ABCB4: variants seen among roughly 807,000 people sequenced by gnomAD.
ABCB4 encodes phosphatidylcholine translocator ABCB4.
In ABCB4, 76 loss-of-function variants were observed where a neutral mutation model predicts 145.7. The observed-to-expected ratio is 0.52, with a 90% confidence interval of 0.43 to 0.63. The LOEUF is 0.63. Ranked by LOEUF, ABCB4 falls within the 30% of genes least tolerant of loss-of-function variation. The pLI, the probability that ABCB4 is intolerant of heterozygous loss-of-function variation, is 0.00. For missense variants in ABCB4, 1,234 were observed against 1,553.1 expected (o/e 0.79, Z 3.45); for synonymous variants, 517 against 566.8 (o/e 0.91, Z 1.25).
rs776123080 is a variant in ABCB4 at position 87,406,265 on chromosome 7, A to G, written c.3486+23T>C. ...GGGGGATAAAAAGTAGTCTCTTCTG[A>G]TTTCAGCTACTCTTTAACTTACGTG... On this transcript the variant is annotated intron_variant, in intron 26 of 27. Coordinates refer to ENST00000649586, the MANE Select transcript of ABCB4 (RefSeq NM_000443.4). The G allele has an allele frequency of 4.3e-6, 7 of 1,610,012 alleles. No individual in the cohort carries two copies. In the South Asian group the frequency reaches 7.7e-5, roughly 18 times the overall value.
Position 87,408,086 on chromosome 7 carries a change from G to A in ABCB4, c.3230C>T (p.Thr1077Met), listed in dbSNP as rs754565782. ...GAACCGCTCCAGGAGCTGGACCACC[G>A]TGCTCTTCCCACAGCCACTGCTGCC... ...LVGSSGCGKS[T>M]VVQLLERFYD... The change falls in exon 25 of 28, where the codon ACG (threonine) becomes ATG (methionine). Residue 1077 changes from threonine (T) to methionine (M), a missense_variant. Physicochemically the swap from Thr to Met is moderately conservative, Grantham distance 81. Around this residue, in one of 7 missense-constraint regions of ABCB4, gnomAD observed 301 missense variants for 389.0 expected, o/e 0.77. Transcript: ENST00000649586. 9 of 1,614,026 alleles carry A rather than the reference G, an allele frequency of 5.6e-6. No homozygotes were observed. The highest frequency in any genetic ancestry group is 4.0e-5 in the African/African-American group (3 of 74,926).
At chr7:87,425,558 A>G (rs1406524028) in intron 16 of ABCB4, among the ~76,000 whole-genome samples, 3 of 152,220 alleles carry the variant, frequency 2.0e-5, no homozygotes, top group Non-Finnish European at 4.4e-5. Context: ...CCAACACAAG[A>G]GTAAAAATAA....
At chr7:87,447,367 T>G (rs1449192601) in intron 8 of ABCB4, among the ~76,000 whole-genome samples, 162 bp from the exon 9 acceptor site, 2 of 152,212 alleles carry the variant, frequency 1.3e-5, no homozygotes, top group African/African-American at 4.8e-5. Flanking sequence ...TAATTCAGGA[T>G]CAGCCAGGCC....
chr7:87,398,468 A>T, downstream of ABCB4: 1 of 1,600,876 alleles, frequency 6.2e-7, no homozygotes, highest in Non-Finnish European at 8.5e-7. Flanking sequence ...GGTTGTATTC[A>T]CCATCACTAT....
the ABCB4 span, among the ~76,000 whole-genome samples, chr7:87,371,108 T>C: frequency 6.6e-6 from 1 of 152,228 alleles, no homozygotes; most frequent in East Asian, 1.9e-4. Flanking sequence ...TTTTAATCTT[T>C]ACCATACAGA....
At chr7:87,375,722 T>G in the ABCB4 span, 2 of 1,613,314 alleles carry the variant, frequency 1.2e-6, no homozygotes, top group Non-Finnish European at 1.7e-6. Context: ...CTCGATGGGC[T>G]AAGGTTCTGA....
At chr7:87,428,269 G>C (rs1809972080) in intron 15 of ABCB4, among the ~76,000 whole-genome samples, 1 of 152,080 alleles carries the variant, frequency 6.6e-6, no homozygotes, top group South Asian at 2.1e-4. Context: ...CACTCAGTTG[G>C]TGTTGGGTGC....
rs1223035148 is a variant in ABCB4, at chr7:87,418,636, C to T, written c.2395-16G>A. The T allele has an allele frequency of 1.2e-6, 2 of 1,608,622 alleles. No homozygotes were observed. Among genetic ancestry groups the T allele is most frequent in the South Asian group, 1.1e-5 (1 of 90,970 alleles). ...AGCTCATGTCCTATGGCATAAAATA[C>T]ACGTTTATGTTAGTTCAAAATTAAA... On this transcript the variant is annotated splice_polypyrimidine_tract_variant and intron_variant, in intron 19 of 27. Transcript: ENST00000649586.
Position 87,431,448 on chromosome 7 carries a change from G to A in ABCB4, c.1849C>T (p.Leu617=), listed in dbSNP as rs1337503859. 1.5e-5 allele frequency: 25 copies of A among 1,613,992 alleles called. No homozygotes were observed. The highest frequency in any genetic ancestry group is 2.0e-5 in the Non-Finnish European group (24 of 1,179,998). Residue 617 remains leucine (L), a synonymous_variant, in exon 15 of 28, where the codon CTG becomes TTG. Coordinates refer to ENST00000649586, the MANE Select transcript of ABCB4 (RefSeq NM_000443.4). ...AAGTACACCCCTTCCTTCTTCATCA[G>A]TTCGCTGTGGCTTCCTTGCTCCACA... ...VIVEQGSHSE[L]MKKEGVYFKL... is the part of the protein sequence containing the mutation.
intron 12 of ABCB4, among the ~76,000 whole-genome samples, chr7:87,442,143 G>T (rs929874815): frequency 3.3e-5 from 5 of 151,802 alleles, no homozygotes; most frequent in African/African-American, 1.2e-4. Flanking sequence ...AATTCTCAAT[G>T]GTTGGTATTT....
chr7:87,447,265 C>G, intron 8 of ABCB4, 60 bp from the exon 9 acceptor site: 1 of 1,525,362 alleles, frequency 6.6e-7, no homozygotes, highest in Non-Finnish European at 9.0e-7. Context: ...TAGTCCGAGT[C>G]ACACTCGGCT....
Position 87,454,533 on chromosome 7 carries a change from A to G in ABCB4, c.344+2T>C. On this transcript the variant is annotated splice_donor_variant, in intron 5 of 27. Coordinates refer to ENST00000649586, the MANE Select transcript of ABCB4 (RefSeq NM_000443.4). LOFTEE classifies it high-confidence loss of function. ...AAAAAGTAGACCATATATATGAGTT[A>G]CCTAGTCATTTCTTCTTCCAGAATT... 1 of 1,604,620 alleles carries G rather than the reference A, an allele frequency of 6.2e-7. No homozygotes were observed. The highest frequency in any genetic ancestry group is 1.1e-5 in the South Asian group (1 of 90,248).
chr7:87,437,744 A>C (rs897266784), intron 14 of ABCB4, among the ~76,000 whole-genome samples: 1 of 152,224 alleles, frequency 6.6e-6, no homozygotes, highest in Non-Finnish European at 1.5e-5. Context: ...GGACACAGCT[A>C]GAAAAGAACA....
chr7:87,442,490 G>A (rs973800032), intron 12 of ABCB4, among the ~76,000 whole-genome samples: 3 of 152,108 alleles, frequency 2.0e-5, no homozygotes, highest in South Asian at 2.1e-4. Flanking sequence ...TGGGACAACT[G>A]AGGAAATTCT....
At chr7:87,384,326 G>A in the ABCB4 span, among the ~76,000 whole-genome samples, 7 of 152,132 alleles carry the variant, frequency 4.6e-5, no homozygotes, top group Admixed American at 2.6e-4. Flanking sequence ...GAGGTCAGGA[G>A]TTTGAGACCA....
intron 21 of ABCB4, among the ~76,000 whole-genome samples, chr7:87,416,494 G>T (rs1418756582): frequency 6.6e-6 from 1 of 152,074 alleles, no homozygotes; most frequent in African/African-American, 2.4e-5. Context: ...TTTCAATAAA[G>T]GATAATAATT....
chr7:87,423,994 C>A lies in ABCB4; in HGVS notation c.2123G>T (p.Trp708Leu). 1 of 1,614,070 alleles carries A rather than the reference C, an allele frequency of 6.2e-7. No individual in the cohort carries two copies. Among genetic ancestry groups the A allele is most frequent in the Non-Finnish European group, 8.5e-7 (1 of 1,179,974 alleles). The part of the protein sequence containing the change: ...LKVLKLNKTE[W>L]PYFVVGTVCA... ...TACTGTTCCCACGACAAAGTAGGGC[C>A]ATTCTGTTTTATTCAGTTTCAGGAC... The change falls in exon 17 of 28, where the codon TGG becomes TTG. Residue 708 changes from tryptophan (W) to leucine (L), a missense_variant. Physicochemically the swap from Trp to Leu is moderately conservative, Grantham distance 61. Coordinates refer to ENST00000649586, the MANE Select transcript of ABCB4 (RefSeq NM_000443.4).
intron 21 of ABCB4, among the ~76,000 whole-genome samples, chr7:87,415,571 T>C (rs1165104135): frequency 1.3e-5 from 2 of 152,190 alleles, no homozygotes; most frequent in South Asian, 2.1e-4. Context: ...GTCTGAGTTA[T>C]TCAATCTCTG....
chr7:87,475,661 C>G lies in ABCB4; in HGVS notation c.-34G>C, dbSNP rs981775722. 1.6e-6 allele frequency: 1 copy of G among 622,720 alleles called. No homozygotes were observed. The highest frequency in any genetic ancestry group is 2.7e-5 in the Admixed American group (1 of 37,112). 38.6% of individuals were successfully genotyped at this position (622,720 alleles called of 1,614,324 possible). Reference sequence around the variant, plus strand: ...CGAACCTCGCGCGTGTCTGGCAGGGCCTCTGGACGCGCGGGCGCTGCAGCA... The same window carrying G: ...CGAACCTCGCGCGTGTCTGGCAGGGGCTCTGGACGCGCGGGCGCTGCAGCA... On this transcript the variant is annotated 5_prime_UTR_variant, in exon 1 of 28. Coordinates refer to ENST00000649586, the MANE Select transcript of ABCB4 (RefSeq NM_000443.4).
Sources: gnomAD v4.1 joint callset for allele counts (sites outside exome capture counted in the v4.1 genomes callset) on GRCh38, gnomAD v4.1.1 for gene constraint, gnomAD v4.1.1 regional missense constraint, MANE v1.5 for transcripts, NCBI Gene and HGNC (gene_info 2026-07-23, HGNC 2026-07-21) for gene names.